The following SNUPN variants were observed in gnomAD, a reference collection of about 807,000 sequenced individuals.
SNUPN encodes snurportin 1, also known as snurportin-1.
SNUPN carries 31 observed loss-of-function variants against 39.2 expected under a neutral mutation model. That is an observed-to-expected ratio of 0.79 (90% confidence interval 0.59 to 1.07). The LOEUF (loss-of-function observed/expected upper bound fraction) is 1.07, where lower values mean the gene tolerates loss of function less well. Ranked by LOEUF, SNUPN falls within the 50% of genes least tolerant of loss-of-function variation. The pLI is 0.00. For synonymous variants in SNUPN, 132 were observed against 159.0 expected (o/e 0.83, Z 1.28); for missense variants, 382 against 434.2 (o/e 0.88, Z 1.07).
intron 7 of SNUPN, among the ~76,000 whole-genome samples, 186 bp from the exon 8 acceptor site, chr15:75,601,404 G>A (rs547863586): frequency 1.3e-5 from 2 of 151,990 alleles, no homozygotes; most frequent in African/African-American, 2.4e-5. Flanking sequence ...GTGAAACCCC[G>A]TCTGTACTAA....
rs1187367925 is a variant in SNUPN at position 75,598,378 on chromosome 15, C to G, written c.1063G>C (p.Gly355Arg). ...TCTCTTTAATTCTCCATGAGGCATC[C>G]AGGGTGGTCTGGGCTATGGGAAGAA... ...KGSSHSPDHP[G>R]CLMEN is the part of the protein sequence containing the mutation. The change falls in exon 9 of 9, where the codon GGA (glycine) becomes CGA (arginine). Residue 355 changes from glycine to arginine, a missense_variant. By Grantham distance (125) the Gly-to-Arg change is moderately radical. Transcript: ENST00000308588. 1 of 1,613,850 alleles carries G rather than the reference C, an allele frequency of 6.2e-7. No homozygotes were observed. The highest frequency in any genetic ancestry group is 8.5e-7 in the Non-Finnish European group (1 of 1,179,902).
At chr15:75,600,013 T>G (rs1234174785) in intron 8 of SNUPN, among the ~76,000 whole-genome samples, 4 of 151,812 alleles carry the variant, frequency 2.6e-5, no homozygotes, top group Non-Finnish European at 5.9e-5. Flanking sequence ...GCCTGGCTAA[T>G]TTTTGTATTG....
At chr15:75,619,251 G>T (rs1893010319) in intron 2 of SNUPN, among the ~76,000 whole-genome samples, 1 of 150,060 alleles carries the variant, frequency 6.7e-6, no homozygotes, top group African/African-American at 2.5e-5. Context: ...AGTGAGCCAA[G>T]ATCATGCCAC....
In SNUPN at chr15:75,615,594, A is replaced by ATTTTTT. The variant is rs141302808; in HGVS notation, c.303+1808_303+1813dup. ...TTCCTCCTTGGTTGGAAGGAATCTC[A>ATTTTTT]TTTTTTTTTTTTTTTTTTTTTTTTT... On this transcript the variant is annotated intron_variant, in intron 3 of 8. Transcript: ENST00000308588. Among the ~76,000 whole-genome samples, 142 of 73,978 alleles carry ATTTTTT rather than the reference A, an allele frequency of 1.9e-3. 11 individuals carry two copies. The highest frequency in any genetic ancestry group is 4.9e-3 in the African/African-American group (96 of 19,406). The allele number at this position is 73,978 out of a possible 152,430, so 48.5% of individuals were successfully genotyped here. A position where few individuals can be genotyped will look rare whatever the true frequency, so the allele number is the denominator to read the frequency against.
chr15:75,618,127 G>T (rs932677411), intron 2 of SNUPN, among the ~76,000 whole-genome samples: 2 of 151,964 alleles, frequency 1.3e-5, no homozygotes, highest in Non-Finnish European at 2.9e-5. Flanking sequence ...AATTTCCAAG[G>T]TTCACTAGAT....
intron 7 of SNUPN, 41 bp downstream of exon 7, chr15:75,605,109 C>A (rs1344704509): frequency 7.9e-7 from 1 of 1,263,002 alleles, no homozygotes; most frequent in South Asian, 1.2e-5. Context: ...ATCCACACTA[C>A]TCCCCATAAG....
intron 6 of SNUPN, among the ~76,000 whole-genome samples, chr15:75,606,549 C>A (rs4371118): frequency 0.17 from 26,147 of 151,892 alleles, 3,029 homozygotes; most frequent in Non-Finnish European, 0.25. Flanking sequence ...GGAGAGTGTT[C>A]TTAACAGGGA....
chr15:75,607,994 C>T (rs890071574), intron 5 of SNUPN, among the ~76,000 whole-genome samples: 2 of 152,096 alleles, frequency 1.3e-5, no homozygotes, highest in Non-Finnish European at 2.9e-5. Context: ...GGAGATAAGT[C>T]AGCTGAACAG....
At chr15:75,620,681 G>A (rs953674050) in intron 2 of SNUPN, among the ~76,000 whole-genome samples, 3 of 152,184 alleles carry the variant, frequency 2.0e-5, no homozygotes, top group South Asian at 2.1e-4. Context: ...TTCAAACTTC[G>A]GTGTCTCCCT....
At chr15:75,603,342 C>T (rs925200856) in intron 7 of SNUPN, among the ~76,000 whole-genome samples, 4 of 145,414 alleles carry the variant, frequency 2.8e-5, no homozygotes, top group Admixed American at 1.4e-4. Context: ...CTACCGCACT[C>T]GGCCTGGCCC....
chr15:75,616,383 G>A lies in SNUPN; in HGVS notation c.303+1025C>T, dbSNP rs933042408. 4.6e-5 allele frequency among the ~76,000 whole-genome samples: 7 copies of A among 152,074 alleles called. No homozygotes were observed. In the South Asian group the frequency reaches 1.0e-3, roughly 23 times the overall value. ...TGAAACAGGAGAACTGCTTGAACCC[G>A]GGAGGCAGAGGTTGCAGTGAGCCAC... On this transcript the variant is annotated intron_variant, in intron 3 of 8. Coordinates refer to ENST00000308588, the MANE Select transcript of SNUPN (RefSeq NM_005701.4).
intron 7 of SNUPN, among the ~76,000 whole-genome samples, chr15:75,604,604 C>A (rs1053917584): frequency 3.9e-5 from 6 of 152,142 alleles, no homozygotes; most frequent in African/African-American, 1.4e-4. Flanking sequence ...GGAGGACTTG[C>A]ATATTTATAT....
At chr15:75,599,836 ATTTTTTT>A (rs60918008) in intron 8 of SNUPN, among the ~76,000 whole-genome samples, 1 of 140,516 alleles carries the variant, frequency 7.1e-6, no homozygotes, top group Non-Finnish European at 1.5e-5. Context: ...GACTGGGCAG[ATTTTTTT>A]TTTTTTTTTT....
At chr15:75,601,000 T>C in intron 8 of SNUPN, 138 bp downstream of exon 8, 3 of 696,176 alleles carry the variant, frequency 4.3e-6, no homozygotes, top group Non-Finnish European at 7.8e-6. Context: ...AGCAAGTACA[T>C]CCTTTCTCCA....
chr15:75,620,917 C>A lies in SNUPN; in HGVS notation c.135G>T (p.Arg45=). The change falls in exon 2 of 9, where the codon CGG becomes CGT. Residue 45 remains arginine (R), a synonymous_variant. Transcript: ENST00000308588. ...ACGATTTCTGCAGTTCCAGTAACCT[C>A]CGGCGGCGCTCACTCTGCTCCAAGG... ...YSSLEQSERR[R]RLLELQKSKR... The A allele has an allele frequency of 6.2e-7, 1 of 1,613,518 alleles. No homozygotes were observed. The highest frequency in any genetic ancestry group is 1.7e-5 in the Admixed American group (1 of 59,664).
In SNUPN at chr15:75,607,296, A is replaced by T. The variant is rs968666484; in HGVS notation, c.520T>A (p.Cys174Ser). 3 of 1,611,872 alleles carry T rather than the reference A, an allele frequency of 1.9e-6. No individual in the cohort carries two copies. Among genetic ancestry groups the T allele is most frequent in the Non-Finnish European group, 2.5e-6 (3 of 1,177,950 alleles). The change falls in exon 6 of 9, where the codon TGC becomes AGC. Residue 174 changes from cysteine (C) to serine (S), a missense_variant. Cys to Ser is a moderately radical substitution (Grantham distance 112, BLOSUM62 -1). Transcript: ENST00000308588. ...GTCTGGTTTACCTCATTGTAAATGC[A>T]ATCTAGAATGGTGTAGTCTGAGGAC... Reference protein sequence around the residue: ...STAKDYTILDCIYNEVNQTYY... With the variant: ...STAKDYTILDSIYNEVNQTYY...
intron 1 of SNUPN, chr15:75,625,108 G>GGT (rs1893185726): frequency 6.2e-6 from 1 of 162,482 alleles, no homozygotes; most frequent in South Asian, 1.4e-4. Flanking sequence ...TTCCTTGGAT[G>GGT]GTGCTGCCTC....
At chr15:75,616,896 G>A (rs936354649) in intron 3 of SNUPN, among the ~76,000 whole-genome samples, 1 of 152,194 alleles carries the variant, frequency 6.6e-6, no homozygotes, top group Non-Finnish European at 1.5e-5. Flanking sequence ...GGGTGGCTGG[G>A]CAGGCTCACT....
intron 2 of SNUPN, among the ~76,000 whole-genome samples, chr15:75,619,611 C>T (rs1595988814): frequency 1.3e-5 from 2 of 152,050 alleles, no homozygotes; most frequent in South Asian, 4.2e-4. Flanking sequence ...CACTCCAGCC[C>T]GAACAACACA....
Sources: gnomAD v4.1 joint callset for allele counts (sites outside exome capture counted in the v4.1 genomes callset) on GRCh38, gnomAD v4.1.1 for gene constraint, MANE v1.5 for transcripts, NCBI Gene and HGNC (gene_info 2026-07-23, HGNC 2026-07-21) for gene names.